Variants in SND1 observed in about 807,000 individuals in gnomAD.
SND1 encodes the protein staphylococcal nuclease domain-containing protein 1.
SND1 carries 38 observed loss-of-function variants against 121.7 expected under a neutral mutation model. The ratio of observed to expected loss-of-function variants is 0.31; its 90% CI spans 0.24 to 0.41. The LOEUF (loss-of-function observed/expected upper bound fraction) is 0.41, where lower values mean the gene tolerates loss of function less well. SND1 is among the 10% of genes least tolerant of loss of function. SND1 has a pLI of 1.00. For missense variants in SND1, 868 were observed against 1,184.6 expected (o/e 0.73, Z 3.92); for synonymous variants, 401 against 447.4 (o/e 0.90, Z 1.31).
At chr7:127,897,064 T>A (rs1563051285) in intron 13 of SND1, among the ~76,000 whole-genome samples, 1 of 152,168 alleles carries the variant, frequency 6.6e-6, no homozygotes. Flanking sequence ...CTTCTTTCAT[T>A]TGCAGGATTC....
chr7:127,901,533 C>T (rs1261786737), intron 13 of SND1, among the ~76,000 whole-genome samples: 2 of 152,160 alleles, frequency 1.3e-5, no homozygotes, highest in Non-Finnish European at 2.9e-5. Context: ...GAGACCTGTG[C>T]TGCCGCAGGT....
At chr7:127,853,507 T>C (rs1799213408) in intron 12 of SND1, among the ~76,000 whole-genome samples, 3 of 152,172 alleles carry the variant, frequency 2.0e-5, no homozygotes, top group African/African-American at 4.8e-5. Flanking sequence ...AGACATCCTT[T>C]AGTATTAAAA....
intron 12 of SND1, among the ~76,000 whole-genome samples, chr7:127,882,840 C>T (rs1384296211): frequency 6.6e-6 from 1 of 152,138 alleles, no homozygotes; most frequent in Non-Finnish European, 1.5e-5. Context: ...ATAAATTCTG[C>T]TTTCTTGAGT....
At chr7:127,692,191 G>C (rs1795931783) in intron 2 of SND1, among the ~76,000 whole-genome samples, 1 of 152,126 alleles carries the variant, frequency 6.6e-6, no homozygotes, top group South Asian at 2.1e-4. Flanking sequence ...AGTTTTAAGA[G>C]TCTATCTGGT....
At chr7:128,089,257 T>C (rs1196155611) in intron 21 of SND1, among the ~76,000 whole-genome samples, 1 of 152,128 alleles carries the variant, frequency 6.6e-6, no homozygotes, top group African/African-American at 2.4e-5. Flanking sequence ...TTTCACTGTG[T>C]TGGCCAGGCT....
At chr7:127,762,709 A>AT (rs2116479521) in intron 10 of SND1, among the ~76,000 whole-genome samples, 1 of 152,184 alleles carries the variant, frequency 6.6e-6, no homozygotes, top group East Asian at 1.9e-4. Context: ...GTTTGTCTTG[A>AT]TATGTGATGC....
At chr7:127,962,147 T>C (rs1801746845) in intron 15 of SND1, among the ~76,000 whole-genome samples, 1 of 152,172 alleles carries the variant, frequency 6.6e-6, no homozygotes, top group South Asian at 2.1e-4. Context: ...GAACTCTTTG[T>C]ATAAGGGAGT....
chr7:127,761,484 C>CA (rs34516046), intron 10 of SND1, among the ~76,000 whole-genome samples: 32,260 of 151,972 alleles, frequency 0.21, 4,017 homozygotes, highest in Middle Eastern at 0.33. Flanking sequence ...TATACAACAC[C>CA]AAAAAATGAA....
chr7:128,077,420 C>T (rs1198340104), intron 17 of SND1, among the ~76,000 whole-genome samples: 2 of 152,148 alleles, frequency 1.3e-5, no homozygotes, highest in Admixed American at 6.5e-5. Flanking sequence ...TCAGGGTGGC[C>T]GCAGCAACAG....
chr7:127,810,517 A>G (rs954996887), intron 11 of SND1, among the ~76,000 whole-genome samples: 4 of 152,190 alleles, frequency 2.6e-5, no homozygotes, highest in African/African-American at 9.6e-5. Flanking sequence ...CTCATCATGA[A>G]ATGGAATTTG....
chr7:128,080,051 A>G (rs150410700), intron 17 of SND1, among the ~76,000 whole-genome samples: 7 of 152,344 alleles, frequency 4.6e-5, no homozygotes, highest in African/African-American at 1.7e-4. Context: ...ACCAAGACCT[A>G]CTCAAAGGGT....
chr7:128,035,498 A>C (rs1320001797), intron 16 of SND1, among the ~76,000 whole-genome samples: 1 of 152,240 alleles, frequency 6.6e-6, no homozygotes, highest in African/African-American at 2.4e-5. Context: ...TCTGGATTTA[A>C]CCTCTCACTT....
intron 12 of SND1, among the ~76,000 whole-genome samples, chr7:127,883,959 T>G (rs1799846058): frequency 1.3e-5 from 2 of 152,176 alleles, no homozygotes; most frequent in African/African-American, 4.8e-5. Flanking sequence ...AGGTACTATT[T>G]TACTCTTTCT....
intron 16 of SND1, among the ~76,000 whole-genome samples, chr7:128,043,354 A>T (rs932813644): frequency 6.6e-6 from 1 of 152,140 alleles, no homozygotes; most frequent in African/African-American, 2.4e-5. Context: ...CAGGCAGATC[A>T]CTTGAGGTCA....
chr7:127,698,812 G>A, intron 3 of SND1, 63 bp from the exon 4 acceptor site: 1 of 1,329,140 alleles, frequency 7.5e-7, no homozygotes, highest in Non-Finnish European at 1.1e-6. Context: ...GTCCCATTTG[G>A]GCTCTGTTGC....
At position 127,962,202 on chromosome 7, in the gene SND1, G is replaced by T. The variant is rs375136253; in HGVS notation, c.1670-28745G>T. On this transcript the variant is annotated intron_variant, in intron 15 of 23. Transcript: ENST00000354725. ...CTTGGAATTGCTGTGCTGGAAGGAA[G>T]ATGGGGAAAGGGAATGAATATAGTC... Among the ~76,000 whole-genome samples, 4 of 152,208 alleles carry T rather than the reference G, an allele frequency of 2.6e-5. No homozygotes were observed. The East Asian group carries it at 7.7e-4, about 29-fold the overall frequency.
At chr7:127,687,548 T>TA (rs1795835187) in intron 2 of SND1, among the ~76,000 whole-genome samples, 1 of 152,232 alleles carries the variant, frequency 6.6e-6, no homozygotes, top group Non-Finnish European at 1.5e-5. Flanking sequence ...AGTTCCCACT[T>TA]ACAAAAGTTA....
intron 12 of SND1, among the ~76,000 whole-genome samples, chr7:127,877,127 C>T (rs1232728226): frequency 6.6e-6 from 1 of 152,026 alleles, no homozygotes; most frequent in Non-Finnish European, 1.5e-5. Flanking sequence ...TTTTACTTGT[C>T]TTATAAAGCC....
intron 21 of SND1, among the ~76,000 whole-genome samples, chr7:128,087,513 T>G (rs1309617244): frequency 2.0e-5 from 3 of 152,164 alleles, no homozygotes; most frequent in Non-Finnish European, 4.4e-5. Flanking sequence ...GGGACTAGAA[T>G]GAATGGGTGG....
Sources: gnomAD v4.1 joint callset for allele counts (sites outside exome capture counted in the v4.1 genomes callset) on GRCh38, gnomAD v4.1.1 for gene constraint, MANE v1.5 for transcripts, NCBI Gene and HGNC (gene_info 2026-07-23, HGNC 2026-07-21) for gene names.